Variants in RGSL1 observed in about 807,000 individuals in gnomAD.
RGSL1 encodes the protein regulator of G protein signaling like 1.
A neutral mutation model predicts 124.7 loss-of-function variants in RGSL1; 97 were observed. The ratio of observed to expected loss-of-function variants is 0.78; its 90% CI spans 0.66 to 0.92. The LOEUF is 0.92. Ranked by LOEUF, RGSL1 falls within the 40% of genes least tolerant of loss-of-function variation. RGSL1 has a pLI of 0.00. For missense variants in RGSL1, 1,233 were observed against 1,288.4 expected (o/e 0.96, Z 0.66); for synonymous variants, 424 against 438.1 (o/e 0.97, Z 0.40).
At position 182,509,710 on chromosome 1, in the gene RGSL1, CG is replaced by C. The variant is rs553499727; in HGVS notation, c.1826-12288del. On this transcript the variant is annotated intron_variant, in intron 9 of 21. Coordinates refer to ENST00000294854, the MANE Select transcript of RGSL1 (RefSeq NM_001137669.2). ...CTCCCGGACGGCACGGCTGGCCGGG[CG>C]GGGGGCTGACCCCCCCACCTCCCTC... 7.1e-3 allele frequency among the ~76,000 whole-genome samples: 946 copies of C among 134,152 alleles called. 17 individuals carry two copies. The highest frequency in any genetic ancestry group is 0.026 in the African/African-American group (896 of 33,932). 88.0% of individuals were successfully genotyped at this position (134,152 alleles called of 152,430 possible). A position where few individuals can be genotyped will look rare whatever the true frequency, so the allele number is the denominator to read the frequency against.
At chr1:182,459,232 A>G (rs1249442564) in intron 3 of RGSL1, among the ~76,000 whole-genome samples, 2 of 151,876 alleles carry the variant, frequency 1.3e-5, no homozygotes, top group East Asian at 1.9e-4. Context: ...TTTTCTCCCA[A>G]TTTTTTTCTT....
intron 6 of RGSL1, among the ~76,000 whole-genome samples, chr1:182,480,771 T>A (rs1052769810): frequency 2.6e-5 from 4 of 152,116 alleles, no homozygotes; most frequent in Non-Finnish European, 5.9e-5. Context: ...TATTTTTTTT[T>A]ATCAAGTGCA....
chr1:182,474,952 C>G (rs368626568), intron 6 of RGSL1, among the ~76,000 whole-genome samples: 2 of 152,166 alleles, frequency 1.3e-5, no homozygotes, highest in Non-Finnish European at 2.9e-5. Context: ...TCCCCCCAGC[C>G]CCAAGTTCAT....
intron 14 of RGSL1, 36 bp from the exon 15 acceptor site, chr1:182,540,210 CA>C (rs1402986543): frequency 1.3e-6 from 2 of 1,511,652 alleles, no homozygotes; most frequent in East Asian, 5.0e-5. Flanking sequence ...GTGACTTGAT[CA>C]AACAAAATTG....
intron 9 of RGSL1, among the ~76,000 whole-genome samples, chr1:182,496,754 CT>C (rs1290269038): frequency 1.1e-4 from 16 of 152,286 alleles, no homozygotes; most frequent in Admixed American, 8.5e-4. Context: ...TGAAATAATG[CT>C]GTTTCTAAAA....
chr1:182,530,912 T>A lies in RGSL1; in HGVS notation c.2364+2T>A. ...TCAACTTACCTACAGGAATCCCAGG[T>A]TAGTGAAGAAGAAAGTGAAACAAGA... On this transcript the variant is annotated splice_donor_variant, in intron 13 of 21. Transcript: ENST00000294854. LOFTEE classifies it high-confidence loss of function. 1 of 1,545,436 alleles carries A rather than the reference T, an allele frequency of 6.5e-7. No individual in the cohort carries two copies. The highest frequency in any genetic ancestry group is 1.4e-5 in the African/African-American group (1 of 72,734).
At chr1:182,509,435 C>T (rs1657146338) in intron 9 of RGSL1, among the ~76,000 whole-genome samples, 1 of 16,212 alleles carries the variant, frequency 6.2e-5, no homozygotes. Context: ...GCTGGCCGGG[C>T]AGAGGGCTGA....
intron 9 of RGSL1, among the ~76,000 whole-genome samples, chr1:182,509,587 G>C (rs1242042190): frequency 6.4e-4 from 84 of 130,252 alleles, no homozygotes; most frequent in Non-Finnish European, 4.8e-4. Context: ...GCCAGGCTGA[G>C]GGGCTCCTCA....
At chr1:182,500,659 T>C (rs965516187) in intron 9 of RGSL1, among the ~76,000 whole-genome samples, 3 of 152,220 alleles carry the variant, frequency 2.0e-5, no homozygotes, top group African/African-American at 7.2e-5. Flanking sequence ...TTAAGTCTTC[T>C]TTAATTTCTC....
At chr1:182,504,047 C>T (rs1299803) in intron 9 of RGSL1, among the ~76,000 whole-genome samples, 1 of 133,018 alleles carries the variant, frequency 7.5e-6, no homozygotes, top group Non-Finnish European at 1.5e-5. Flanking sequence ...GTGGTGGAAT[C>T]TTGGCTCACT....
chr1:182,526,554 G>C (rs2102253686), intron 10 of RGSL1, among the ~76,000 whole-genome samples: 1 of 152,086 alleles, frequency 6.6e-6, no homozygotes, highest in East Asian at 1.9e-4. Flanking sequence ...CACACCTGTA[G>C]TTACAGCTAC....
At chr1:182,459,893 T>C (rs1652667733) in intron 3 of RGSL1, 111 bp from the exon 4 acceptor site, 1 of 1,325,406 alleles carries the variant, frequency 7.5e-7, no homozygotes. Flanking sequence ...CACCTATCCT[T>C]CTGGCCAGAC....
intron 21 of RGSL1, among the ~76,000 whole-genome samples, chr1:182,557,362 A>G (rs1477803311): frequency 6.6e-6 from 1 of 152,240 alleles, no homozygotes; most frequent in African/African-American, 2.4e-5. Context: ...TAAGGAATAA[A>G]GAAGAGCTCA....
rs936831393 is a variant in RGSL1 at position 182,472,482 on chromosome 1, TC to T, written c.391del (p.Leu131SerfsTer5). ...CCTGGAAGTGAGAGACTACTACCTG[TC>T]CCTCCTCCTCATGCTGAGGGCCACT... is the stretch of plus-strand genomic sequence containing the variant. Reference protein sequence around the residue: ...MDLEVRDYYLSLLLMLRATHL... With the variant: ...MDLEVRDYYLXLLLMLRATHL... On this transcript the variant is annotated frameshift_variant, in exon 5 of 22. Transcript: ENST00000294854. LOFTEE classifies it high-confidence loss of function. 6.4e-7 allele frequency: 1 copy of T among 1,550,968 alleles called. No homozygotes were observed. The highest frequency in any genetic ancestry group is 1.4e-5 in the African/African-American group (1 of 73,026).
intron 2 of RGSL1, among the ~76,000 whole-genome samples, chr1:182,455,814 T>G (rs1036087059): frequency 6.6e-6 from 1 of 152,182 alleles, no homozygotes; most frequent in Admixed American, 6.5e-5. Context: ...GCCCTGGAGA[T>G]CAGGCAAACT....
chr1:182,524,608 A>G (rs1438519263), intron 10 of RGSL1, among the ~76,000 whole-genome samples: 1 of 152,230 alleles, frequency 6.6e-6, no homozygotes, highest in Admixed American at 6.5e-5. Context: ...AACCTCAGTA[A>G]GAATAGTGTA....
At chr1:182,520,930 G>A (rs1658288952) in intron 9 of RGSL1, among the ~76,000 whole-genome samples, 2 of 152,080 alleles carry the variant, frequency 1.3e-5, no homozygotes, top group African/African-American at 4.8e-5. Context: ...ATTTCTGTAA[G>A]TCAGATGAGT....
intron 10 of RGSL1, among the ~76,000 whole-genome samples, chr1:182,525,738 T>A (rs1174802439): frequency 6.6e-6 from 1 of 151,862 alleles, no homozygotes; most frequent in African/African-American, 2.4e-5. Context: ...TCAAAGAAAA[T>A]AAATAATAAC....
At chr1:182,460,540 T>C in intron 4 of RGSL1, 1 of 425,324 alleles carries the variant, frequency 2.4e-6, no homozygotes, top group Non-Finnish European at 4.7e-6. Context: ...CCAACTGGTT[T>C]AAGCCTCCAG....
Sources: allele counts gnomAD v4.1 joint callset (sites outside exome capture counted in the v4.1 genomes callset), GRCh38; gene constraint gnomAD v4.1.1; transcripts MANE v1.5; gene names NCBI Gene and HGNC (gene_info 2026-07-23, HGNC 2026-07-21).